POLR1C: variants seen among roughly 807,000 people sequenced by gnomAD.
POLR1C encodes the protein RNA polymerase I and III subunit C, also known as DNA-directed RNA polymerases I and III subunit RPAC1.
In POLR1C, 42 loss-of-function variants were observed where a neutral mutation model predicts 38.3. The observed-to-expected ratio is 1.10, with a 90% CI of 0.86 to 1.42. The LOEUF is 1.42. Ranked by LOEUF, POLR1C falls within the 40% of genes most tolerant of loss-of-function variation. POLR1C has a pLI of 0.00. For synonymous variants in POLR1C, 163 were observed against 163.9 expected (o/e 0.99, Z 0.04); for missense variants, 507 against 450.5 (o/e 1.13, Z -1.14).
chr6:43,542,206 C>T (rs1794731471), intron 9 of POLR1C, among the ~76,000 whole-genome samples: 1 of 152,008 alleles, frequency 6.6e-6, no homozygotes, highest in South Asian at 2.1e-4. Flanking sequence ...GGAAAGCCTA[C>T]CAGACCAATT....
At chr6:43,530,533 A>C, downstream of POLR1C, 1 of 892,066 alleles carries the variant, frequency 1.1e-6, no homozygotes, top group Non-Finnish European at 1.6e-6. Flanking sequence ...TTTCCCTGCA[A>C]TCTGCCAGTG....
At chr6:43,560,200 G>T in intron 10 of POLR1C, 1 of 1,612,542 alleles carries the variant, frequency 6.2e-7, no homozygotes, top group Non-Finnish European at 8.5e-7. Flanking sequence ...AGTCATGGAA[G>T]CACGAAGATA....
At chr6:43,518,269 CTG>C (rs1792948964) in intron 2 of POLR1C, among the ~76,000 whole-genome samples, 1 of 152,142 alleles carries the variant, frequency 6.6e-6, no homozygotes, top group Non-Finnish European at 1.5e-5. Context: ...TGAACTAAGA[CTG>C]ATGGTAGAAA....
At chr6:43,554,184 G>A (rs537433545) in intron 10 of POLR1C, among the ~76,000 whole-genome samples, 3 of 152,260 alleles carry the variant, frequency 2.0e-5, no homozygotes, top group South Asian at 4.1e-4. Context: ...TCGGCTCACT[G>A]CAACATTAGC....
chr6:43,526,673 AG>A, intron 8 of POLR1C: 1 of 1,613,764 alleles, frequency 6.2e-7, no homozygotes, highest in Non-Finnish European at 8.5e-7. Flanking sequence ...AAGGTCTCAC[AG>A]GCTCACTTAC....
intron 9 of POLR1C, chr6:43,547,420 G>A: frequency 1.5e-6 from 1 of 683,758 alleles, no homozygotes; most frequent in Non-Finnish European, 2.7e-6. Context: ...AAGACCATCT[G>A]CTCTGCTGTG....
chr6:43,524,744 C>T (rs1793445562), downstream of POLR1C: 2 of 1,587,592 alleles, frequency 1.3e-6, no homozygotes, highest in East Asian at 4.5e-5. Context: ...TTGGCAGGTG[C>T]CTGAATTTAG....
rs59661301 is a variant in POLR1C at position 43,557,783 on chromosome 6, T to TA, written c.*49-3591dup. On this transcript the variant is annotated intron_variant, in intron 10 of 10. Coordinates refer to the POLR1C transcript ENST00000607635. ...AATGAATTTTGTCTCAATAAAGCTG[T>TA]AAAAAAAAAAAAAAAAAAAAAAAAA... Among the ~76,000 whole-genome samples, 449 of 87,232 alleles carry TA rather than the reference T, an allele frequency of 5.1e-3. 9 individuals carry two copies. The highest frequency in any genetic ancestry group is 0.012 in the African/African-American group (284 of 24,034). The allele number at this position is 87,232 out of a possible 152,430, so 57.2% of individuals were successfully genotyped here.
chr6:43,545,360 T>C (rs2127725887), intron 9 of POLR1C, among the ~76,000 whole-genome samples: 1 of 152,270 alleles, frequency 6.6e-6, no homozygotes, highest in East Asian at 1.9e-4. Context: ...CTTTTACTCC[T>C]TGGAGAAGGG....
At chr6:43,536,805 T>C (rs1794359014) in intron 9 of POLR1C, among the ~76,000 whole-genome samples, 1 of 147,152 alleles carries the variant, frequency 6.8e-6, no homozygotes, top group African/African-American at 2.6e-5. Context: ...CTTTACTTTT[T>C]GGGTTTTAAA....
At chr6:43,533,828 C>T (rs972355215), downstream of POLR1C, 3 of 1,101,592 alleles carry the variant, frequency 2.7e-6, no homozygotes, top group Non-Finnish European at 3.9e-6. Flanking sequence ...GAGACTATGA[C>T]TCTTAAAAAA....
At chr6:43,525,584 G>C, downstream of POLR1C, 1 of 533,048 alleles carries the variant, frequency 1.9e-6, no homozygotes, top group Non-Finnish European at 3.3e-6. Flanking sequence ...GCCTGGCTTG[G>C]GGAGGCTAAA....
rs1479569075 is a variant in POLR1C at position 43,550,986 on chromosome 6, G to T, written c.*23G>T. The T allele has an allele frequency of 1.1e-4, 21 of 188,594 alleles. No individual in the cohort carries two copies. In the East Asian group the frequency reaches 2.7e-3, roughly 24 times the overall value. The allele number at this position is 188,594 out of a possible 1,614,324, so 11.7% of individuals were successfully genotyped here. On this transcript the variant is annotated 3_prime_UTR_variant, in exon 10 of 11. Transcript: ENST00000607635. ...TTCCCAGAGTGTTCCTAAAGAGTGA[G>T]GCACTAGCATGGTACCTGATCCACA...
At chr6:43,539,354 C>G in intron 9 of POLR1C, 1 of 1,580,616 alleles carries the variant, frequency 6.3e-7, no homozygotes, top group Non-Finnish European at 8.6e-7. Flanking sequence ...CTGGCCAGCA[C>G]GGGTCTGCTT....
intron 9 of POLR1C, among the ~76,000 whole-genome samples, chr6:43,537,075 T>G (rs1286992803): frequency 6.6e-6 from 1 of 152,038 alleles, no homozygotes; most frequent in Non-Finnish European, 1.5e-5. Context: ...CAAGTGGCCC[T>G]TCCACCTCAG....
At chr6:43,548,697 C>G (rs571620951) in intron 9 of POLR1C, among the ~76,000 whole-genome samples, 1 of 151,518 alleles carries the variant, frequency 6.6e-6, no homozygotes, top group Non-Finnish European at 1.5e-5. Context: ...CATACTACAA[C>G]TGTGAAAAGA....
chr6:43,541,075 AGT>A (rs1162023759), intron 9 of POLR1C, among the ~76,000 whole-genome samples: 1 of 152,008 alleles, frequency 6.6e-6, no homozygotes, highest in Non-Finnish European at 1.5e-5. Flanking sequence ...GGACATACAG[AGT>A]GTAAGGATGG....
chr6:43,562,227 G>T, exon 11 of POLR1C: 1 of 1,587,336 alleles, frequency 6.3e-7, no homozygotes, highest in South Asian at 1.2e-5. Flanking sequence ...AAGCTCTCCA[G>T]AAAGCAAACA....
At chr6:43,524,434 AGGGGGTT>A (rs1274062680), downstream of POLR1C, 1 of 1,596,556 alleles carries the variant, frequency 6.3e-7, no homozygotes, top group Non-Finnish European at 8.5e-7. Context: ...TGATTTAAGA[AGGGGGTT>A]GGGAGCACTA....
Sources: allele counts gnomAD v4.1 joint callset (sites outside exome capture counted in the v4.1 genomes callset), GRCh38; gene constraint gnomAD v4.1.1; transcripts MANE v1.5; gene names NCBI Gene and HGNC (gene_info 2026-07-23, HGNC 2026-07-21).